The following KCNH2 variants were observed in gnomAD, a reference collection of about 807,000 sequenced individuals.
KCNH2 encodes potassium voltage-gated channel subfamily H member 2, also known as voltage-gated inwardly rectifying potassium channel KCNH2.
Under a neutral mutation model 95.9 loss-of-function variants are expected in KCNH2, and 35 were observed. The observed-to-expected ratio is 0.37, with a 90% CI of 0.28 to 0.48. KCNH2 has a LOEUF of 0.48. Among genes scored for constraint, KCNH2 ranks in the 20% least tolerant of loss-of-function variants. The pLI, the probability that KCNH2 is intolerant of heterozygous loss-of-function variation, is 0.99. For missense variants in KCNH2, 1,274 were observed against 1,702.9 expected, an observed-to-expected ratio of 0.75 and a Z score of 4.43; for synonymous variants, 786 against 754.7, an observed-to-expected ratio of 1.04 and a Z score of -0.68.
In KCNH2 at chr7:150,950,148, G is replaced by GGGGGGGGGGGGGGGGGT; in HGVS notation, c.2398+19_2398+20insACCCCCCCCCCCCCCCC. 6.3e-7 allele frequency: 1 copy of GGGGGGGGGGGGGGGGGT among 1,581,884 alleles called. No individual in the cohort carries two copies. The highest frequency in any genetic ancestry group is 8.6e-7 in the Non-Finnish European group (1 of 1,162,868). ...CTGCAGAGGGCATTTCCAGTCCAGT[G>GGGGGGGGGGGGGGGGGT]CCCGCCCCCCACCCCATACCCAGGA... On this transcript the variant is annotated intron_variant, in intron 9 of 14. Transcript: ENST00000262186.
chr7:150,974,170 C>T (rs1292788801), intron 2 of KCNH2, among the ~76,000 whole-genome samples: 1 of 152,172 alleles, frequency 6.6e-6, no homozygotes, highest in East Asian at 1.9e-4. Flanking sequence ...GAGAGGCACG[C>T]ACCTCCCCCA....
rs992029981 is a variant in KCNH2, at chr7:150,946,765, G to A, written c.3330+112C>T. On this transcript the variant is annotated intron_variant, in intron 14 of 14. Transcript: ENST00000262186. This position sits in a 1 kb window ranked among gnomAD's most constrained non-coding sequence, Gnocchi z 6.5. ...GGGGTGGGAGGAGGGCAGGAACAAG[G>A]TTCAGGGAGGCTGGGCCACAGAGCC... is the stretch of plus-strand genomic sequence containing the variant. 3 of 1,037,256 alleles carry A rather than the reference G, an allele frequency of 2.9e-6. No individual in the cohort carries two copies. The highest frequency in any genetic ancestry group is 1.5e-5 in the South Asian group (1 of 66,388). The allele number at this position is 1,037,256 out of a possible 1,614,324, so 64.3% of individuals were successfully genotyped here. A position where few individuals can be genotyped will look rare whatever the true frequency, so the allele number is the denominator to read the frequency against.
chr7:150,955,720 C>T (rs1303900192), intron 5 of KCNH2: 31 of 1,336,192 alleles, frequency 2.3e-5, no homozygotes, highest in Middle Eastern at 2.8e-4. Context: ...CTGCCTGGCT[C>T]GAGCTGCCCA....
In KCNH2 at chr7:150,958,402, CG is replaced by C. The variant is rs794728423; in HGVS notation, c.572del (p.Pro191ArgfsTer10). 1.4e-6 allele frequency: 2 copies of C among 1,450,622 alleles called. No individual in the cohort carries two copies. Among genetic ancestry groups the C allele is most frequent in the Non-Finnish European group, 1.8e-6 (2 of 1,109,338 alleles). The allele number at this position is 1,450,622 out of a possible 1,614,324, so 89.9% of individuals were successfully genotyped here. A position where few individuals can be genotyped will look rare whatever the true frequency, so the allele number is the denominator to read the frequency against. On this transcript the variant is annotated frameshift_variant, in exon 4 of 15. Coordinates refer to ENST00000262186, the MANE Select transcript of KCNH2 (RefSeq NM_000238.4). LOFTEE classifies it high-confidence loss of function. ...RSGGAGGAGA[P>X]GAVVVDVDLT... ...GGTCCACGTCCACCACCACGGCCCC[CG>C]GGGCGCCCGCGCCGCCCGCGCCGCC...
rs569235049 is a variant in KCNH2, at chr7:150,960,232, T to C, written c.308-496A>G. 9.2e-5 allele frequency among the ~76,000 whole-genome samples: 14 copies of C among 152,346 alleles called. No homozygotes were observed. The South Asian group carries it at 2.9e-3, about 32-fold the overall frequency. On this transcript the variant is annotated intron_variant, in intron 2 of 14. Coordinates refer to ENST00000262186, the MANE Select transcript of KCNH2 (RefSeq NM_000238.4). ...TTTTTCCTAAATTATTTAACATCCT[T>C]GTGCCTCATTTTTTCCATCTATAAA...
Position 150,945,576 on chromosome 7 carries a change from A to C in KCNH2, c.3331-62T>G. The C allele has an allele frequency of 6.6e-7, 1 of 1,513,564 alleles. No homozygotes were observed. The highest frequency in any genetic ancestry group is 9.0e-7 in the Non-Finnish European group (1 of 1,112,554). The allele number at this position is 1,513,564 out of a possible 1,614,324, so 93.8% of individuals were successfully genotyped here. A position where few individuals can be genotyped will look rare whatever the true frequency, so the allele number is the denominator to read the frequency against. On this transcript the variant is annotated intron_variant, in intron 14 of 14. Coordinates refer to ENST00000262186, the MANE Select transcript of KCNH2 (RefSeq NM_000238.4). This position sits in a 1 kb window ranked among gnomAD's most constrained non-coding sequence, Gnocchi z 5.6. ...CATGGAGGAGGAGGAAGGGGAGGGA[A>C]AGGGGCAGGAGAACCCGGGGACAGA...
intron 5 of KCNH2, chr7:150,955,519 C>G (rs762295104): frequency 1.2e-5 from 19 of 1,538,264 alleles, no homozygotes; most frequent in Middle Eastern, 2.2e-4. Flanking sequence ...ACTTGGCTCC[C>G]TGCAGCCTGC....
intron 8 of KCNH2, 106 bp from the exon 9 acceptor site, chr7:150,950,526 A>AC (rs1801108135): frequency 1.4e-6 from 2 of 1,411,516 alleles, no homozygotes; most frequent in Admixed American, 2.1e-5. Flanking sequence ...CTCAACCTCC[A>AC]GGCCTGGGAG....
rs1049758433 is a variant in KCNH2, at chr7:150,959,629, C to G, written c.415G>C (p.Gly139Arg). Residue 139 changes from glycine to arginine, a missense_variant, in exon 3 of 15, where the codon GGG becomes CGG. By Grantham distance (125) the Gly-to-Arg change is moderately radical (BLOSUM62 -2). Around this residue, in one of 7 missense-constraint regions of KCNH2, gnomAD observed 392 missense variants for 429.9 expected, o/e 0.91. Coordinates refer to ENST00000262186, the MANE Select transcript of KCNH2 (RefSeq NM_000238.4). Reference sequence around the variant, plus strand: ...TGGTTGGTGTCATGAGCCGGGGACCCCACCATGTCCTTCTCCATCACCACC... The same window carrying G: ...TGGTTGGTGTCATGAGCCGGGGACCGCACCATGTCCTTCTCCATCACCACC... ...FEVVMEKDMV[G>R]SPAHDTNHRG... The G allele has an allele frequency of 3.7e-6, 6 of 1,614,202 alleles. No homozygotes were observed. The highest frequency in any genetic ancestry group is 1.7e-5 in the Admixed American group (1 of 60,032).
At chr7:150,949,289 C>T in intron 9 of KCNH2, 7 of 1,385,248 alleles carry the variant, frequency 5.1e-6, no homozygotes, top group Non-Finnish European at 6.6e-6. Context: ...AAATGAGACC[C>T]AGCCAGCAGG....
intron 1 of KCNH2, among the ~76,000 whole-genome samples, chr7:150,975,318 G>C (rs989585117): frequency 6.6e-6 from 1 of 152,238 alleles, no homozygotes; most frequent in Non-Finnish European, 1.5e-5. Context: ...GGGAGCCTGG[G>C]AAAGGCCAGA....
At chr7:150,950,555 G>A (rs1048705229) in intron 8 of KCNH2, 135 bp from the exon 9 acceptor site, 33 of 1,220,242 alleles carry the variant, frequency 2.7e-5, no homozygotes, top group Non-Finnish European at 3.5e-5. Flanking sequence ...AGCATCAGGG[G>A]GCCCAGTGTC....
intron 11 of KCNH2, 121 bp from the exon 12 acceptor site, chr7:150,947,999 C>T: frequency 8.2e-7 from 1 of 1,217,684 alleles, no homozygotes; most frequent in Admixed American, 2.8e-5. Context: ...TGGTTTGTCC[C>T]CAGTCGCTTC....
At chr7:150,972,184 G>A (rs1048494346) in intron 2 of KCNH2, among the ~76,000 whole-genome samples, 7 of 152,228 alleles carry the variant, frequency 4.6e-5, no homozygotes, top group Admixed American at 1.3e-4. Context: ...CTGACACTGC[G>A]CAGAGCAAGG....
chr7:150,954,215 G>A (rs147773629), intron 5 of KCNH2, among the ~76,000 whole-genome samples: 2 of 152,030 alleles, frequency 1.3e-5, no homozygotes, highest in Non-Finnish European at 2.9e-5. Context: ...AGCTCCTTAA[G>A]GCAGAGAGCA....
At chr7:150,949,508 G>T in intron 9 of KCNH2, 1 of 773,612 alleles carries the variant, frequency 1.3e-6, no homozygotes, top group Non-Finnish European at 1.6e-6. Context: ...ATGCAGTAAG[G>T]CCCAGTGTTA....
chr7:150,948,478 C>T lies in KCNH2; in HGVS notation c.2658G>A (p.Lys886=), dbSNP rs757549384. The change falls in exon 11 of 15, where the codon AAG becomes AAA. Residue 886 remains lysine (K), a synonymous_variant. Transcript: ENST00000262186. The part of the protein sequence containing the change: ...ELEGGFSRQR[K]RKLSFRRRTD... ...TGCGCCTGCGGAAGGACAACTTGCG[C>T]TTGCGTTGCCGACTGAAGCCACCCT... The T allele has an allele frequency of 8.7e-6, 14 of 1,611,776 alleles. No individual in the cohort carries two copies. The highest frequency in any genetic ancestry group is 1.2e-5 in the Non-Finnish European group (14 of 1,179,682).
chr7:150,956,074 G>A (rs1442028653), intron 5 of KCNH2, among the ~76,000 whole-genome samples: 2 of 152,144 alleles, frequency 1.3e-5, no homozygotes, highest in Non-Finnish European at 1.5e-5. Context: ...ACCCAGAGAT[G>A]GAGAGACTGC....
intron 5 of KCNH2, chr7:150,955,937 C>T (rs964973653): frequency 4.7e-5 from 35 of 752,376 alleles, no homozygotes; most frequent in African/African-American, 4.6e-4. Flanking sequence ...GCTCCTGCAG[C>T]GGCGCTCCCG....
Sources: gnomAD v4.1 joint callset for allele counts (sites outside exome capture counted in the v4.1 genomes callset) on GRCh38, gnomAD v4.1.1 for gene constraint, gnomAD v4.1.1 regional missense constraint, Gnocchi (gnomAD v3.1) non-coding constraint, MANE v1.5 for transcripts, NCBI Gene and HGNC (gene_info 2026-07-23, HGNC 2026-07-21) for gene names.